The following MATN2 variants were observed in gnomAD, a reference collection of about 807,000 sequenced individuals.
The protein encoded by MATN2 is matrilin-2.
MATN2 carries 69 observed loss-of-function variants against 103.2 expected under a neutral mutation model. That is an observed-to-expected ratio of 0.67 (90% CI 0.55 to 0.82). The LOEUF (loss-of-function observed/expected upper bound fraction) is 0.82. Among genes scored for constraint, MATN2 ranks in the 40% least tolerant of loss-of-function variants. The pLI, the probability that MATN2 is intolerant of heterozygous loss-of-function variation, is 0.00. For missense variants in MATN2, 1,023 were observed against 1,211.5 expected (o/e 0.84, Z 2.31); for synonymous variants, 429 against 450.2 (o/e 0.95, Z 0.60).
chr8:98,027,674 C>A lies in MATN2; in HGVS notation c.2201C>A (p.Thr734Asn). Residue 734 changes from threonine (T) to asparagine (N), a missense_variant, in exon 14 of 19, where the codon ACT becomes AAT. Thr to Asn is a moderately conservative substitution (Grantham distance 65). Transcript: ENST00000254898. ...HMKYMGKGSMTGLALKHMFER... is the reference protein window; with the variant it reads ...HMKYMGKGSMNGLALKHMFER... ...AAATACATGGGAAAGGGCTCTATGA[C>A]TGGGCTGGCCCTGAAACACATGTTT... 1 of 1,613,956 alleles carries A rather than the reference C, an allele frequency of 6.2e-7. No homozygotes were observed. The highest frequency in any genetic ancestry group is 8.5e-7 in the Non-Finnish European group (1 of 1,179,864).
chr8:98,035,915 GA>G lies in MATN2; in HGVS notation c.*205del. ...ATTTATCTAGGAAAAAAATCCTTCA[GA>G]ATTCTAAGATGAATTTACCAGGTGA... On this transcript the variant is annotated 3_prime_UTR_variant, in exon 19 of 19. Coordinates refer to ENST00000254898, the MANE Select transcript of MATN2 (RefSeq NM_002380.5). 2.5e-6 allele frequency: 1 copy of G among 403,658 alleles called. No homozygotes were observed. Among genetic ancestry groups the G allele is most frequent in the Non-Finnish European group, 4.4e-6 (1 of 226,628 alleles). The allele number at this position is 403,658 out of a possible 1,614,324, so 25.0% of individuals were successfully genotyped here.
intron 1 of MATN2, among the ~76,000 whole-genome samples, chr8:97,871,679 G>T (rs7813174): frequency 0.31 from 47,301 of 152,126 alleles, 8,751 homozygotes; most frequent in Non-Finnish European, 0.42. Flanking sequence ...CTAGTGAATG[G>T]TGCCAGGGAG....
chr8:97,947,161 C>T (rs1810779476), intron 4 of MATN2, among the ~76,000 whole-genome samples: 1 of 152,110 alleles, frequency 6.6e-6, no homozygotes, highest in Non-Finnish European at 1.5e-5. Flanking sequence ...CACCTGAGGT[C>T]AGGAGTTTGA....
At chr8:97,926,678 T>A (rs1410161183) in intron 2 of MATN2, among the ~76,000 whole-genome samples, 2 of 152,228 alleles carry the variant, frequency 1.3e-5, no homozygotes, top group African/African-American at 4.8e-5. Flanking sequence ...CAGAAGTGGT[T>A]ATGGTCCCTC....
At chr8:97,955,972 A>C (rs1563690072) in intron 4 of MATN2, among the ~76,000 whole-genome samples, 2 of 152,206 alleles carry the variant, frequency 1.3e-5, no homozygotes, top group Non-Finnish European at 2.9e-5. Flanking sequence ...ATGCAGGACA[A>C]GTGAGCCCCA....
chr8:97,937,956 G>A (rs891254148), intron 3 of MATN2, among the ~76,000 whole-genome samples: 9 of 152,124 alleles, frequency 5.9e-5, no homozygotes, highest in African/African-American at 9.7e-5. Flanking sequence ...AGGGAGTGGC[G>A]AAGCTGAGCC....
chr8:97,963,553 A>T (rs774014754), intron 5 of MATN2, among the ~76,000 whole-genome samples: 30 of 152,126 alleles, frequency 2.0e-4, no homozygotes, highest in Non-Finnish European at 4.0e-4. Context: ...GGGATTTGAC[A>T]TTTATTGAAG....
chr8:98,007,391 G>A lies in MATN2; in HGVS notation c.1451-88G>A. 5.7e-6 allele frequency: 9 copies of A among 1,565,742 alleles called. No homozygotes were observed. The highest frequency in any genetic ancestry group is 4.4e-6 in the Non-Finnish European group (5 of 1,146,714). On this transcript the variant is annotated intron_variant, in intron 9 of 18. Coordinates refer to ENST00000254898, the MANE Select transcript of MATN2 (RefSeq NM_002380.5). The surrounding 1 kb of genome is among the most constrained non-coding windows in gnomAD (Gnocchi z 4.2). ...CTGGGACTGCATGCCTTCGAGGGAG[G>A]GCGGGGTGAGCATGACGGTCACTTG...
chr8:98,008,387 C>A (rs1328433982), intron 10 of MATN2, among the ~76,000 whole-genome samples: 5 of 152,134 alleles, frequency 3.3e-5, no homozygotes, highest in African/African-American at 1.2e-4. Context: ...AAGAAAAGGA[C>A]CACCATTTAT....
At chr8:97,980,333 T>C (rs1586117779) in intron 6 of MATN2, among the ~76,000 whole-genome samples, 1 of 125,786 alleles carries the variant, frequency 8.0e-6, no homozygotes, top group Non-Finnish European at 1.8e-5. Context: ...AACTGTAAAA[T>C]AGCAGCCTGT....
intron 7 of MATN2, among the ~76,000 whole-genome samples, chr8:97,999,867 T>C (rs1246165709): frequency 2.3e-4 from 35 of 151,680 alleles, no homozygotes; most frequent in Admixed American, 1.8e-3. Context: ...GATTCTTTTT[T>C]TTTTTTTTTT....
intron 18 of MATN2, among the ~76,000 whole-genome samples, chr8:98,034,598 G>C (rs1814166827): frequency 6.6e-6 from 1 of 152,132 alleles, no homozygotes; most frequent in South Asian, 2.1e-4. Flanking sequence ...GTACTGAGGA[G>C]CTTACAGGGA....
At chr8:97,980,119 A>G (rs1811967915) in intron 6 of MATN2, among the ~76,000 whole-genome samples, 1 of 152,220 alleles carries the variant, frequency 6.6e-6, no homozygotes, top group South Asian at 2.1e-4. Context: ...TGGAGCTGTC[A>G]TTCACTAGGC....
At chr8:97,891,165 G>A (rs889316168) in intron 2 of MATN2, among the ~76,000 whole-genome samples, 1 of 152,122 alleles carries the variant, frequency 6.6e-6, no homozygotes, top group Admixed American at 6.5e-5. Flanking sequence ...AGTAGTGGAA[G>A]AGACAGGCAT....
chr8:97,955,523 C>T (rs557457196), intron 4 of MATN2, among the ~76,000 whole-genome samples: 2 of 152,308 alleles, frequency 1.3e-5, no homozygotes, highest in African/African-American at 4.8e-5. Flanking sequence ...TTAAAGAATA[C>T]TTCAGAATCA....
intron 7 of MATN2, among the ~76,000 whole-genome samples, chr8:98,000,926 C>T (rs1375365666): frequency 3.9e-5 from 6 of 152,242 alleles, no homozygotes; most frequent in East Asian, 1.9e-4. Flanking sequence ...ACTTCATCTA[C>T]GAGGTCACAA....
chr8:97,898,597 CAA>C (rs1272617710), intron 2 of MATN2, among the ~76,000 whole-genome samples: 12 of 92,156 alleles, frequency 1.3e-4, no homozygotes, highest in African/African-American at 2.0e-4. Context: ...AACTCCTTCT[CAA>C]AAAAAAAAAA....
In MATN2 at chr8:98,027,848, G is replaced by A. The variant is rs748288197; in HGVS notation, c.2356+19G>A. On this transcript the variant is annotated intron_variant, in intron 14 of 18. Transcript: ENST00000254898. The stretch of plus-strand genomic sequence containing the variant: ...GCCAATGGTAATATGGGGTGGAGGT[G>A]CGGTTTACACCACTCAAGGTTCAGG... 4.1e-5 allele frequency: 63 copies of A among 1,537,884 alleles called. No homozygotes were observed. Among genetic ancestry groups the A allele is most frequent in the Non-Finnish European group, 5.1e-5 (58 of 1,145,130 alleles).
chr8:98,007,979 G>A lies in MATN2; in HGVS notation c.1573+378G>A, dbSNP rs1344493599. 2.0e-5 allele frequency among the ~76,000 whole-genome samples: 3 copies of A among 152,176 alleles called. No homozygotes were observed. Among genetic ancestry groups the A allele is most frequent in the Non-Finnish European group, 1.5e-5 (1 of 68,028 alleles). On this transcript the variant is annotated intron_variant, in intron 10 of 18. Coordinates refer to ENST00000254898, the MANE Select transcript of MATN2 (RefSeq NM_002380.5). The surrounding 1 kb of genome is among the most constrained non-coding windows in gnomAD (Gnocchi z 4.2). ...GGGCACTGTGCTAAGCACACATGCTGTTGCATTCAGGGGACAGATGAGGAA... is the reference window on the plus strand; with the variant it reads ...GGGCACTGTGCTAAGCACACATGCTATTGCATTCAGGGGACAGATGAGGAA...
Sources: gnomAD v4.1 joint callset for allele counts (sites outside exome capture counted in the v4.1 genomes callset) on GRCh38, gnomAD v4.1.1 for gene constraint, Gnocchi (gnomAD v3.1) non-coding constraint, MANE v1.5 for transcripts, NCBI Gene and HGNC (gene_info 2026-07-23, HGNC 2026-07-21) for gene names.